The following DRC11 variants were observed in gnomAD, a reference collection of about 807,000 sequenced individuals.
DRC11 encodes the protein IQ and AAA domain-containing protein 1.
At chr2:236,463,444 T>C in the DRC11 span, among the ~76,000 whole-genome samples, 1 of 152,060 alleles carries the variant, frequency 6.6e-6, no homozygotes, top group Non-Finnish European at 1.5e-5. This position sits in a 1 kb window ranked among gnomAD's most constrained non-coding sequence, Gnocchi z 5.0. Context: ...ACCTGATAAA[T>C]AAGACATGGA....
the DRC11 span, among the ~76,000 whole-genome samples, chr2:236,396,711 CTCTA>C: frequency 6.6e-6 from 1 of 152,224 alleles, no homozygotes; most frequent in African/African-American, 2.4e-5. Context: ...ACCTGTCCCA[CTCTA>C]TCTACCTGCT....
chr2:236,338,559 C>A, the DRC11 span, among the ~76,000 whole-genome samples: 1 of 152,150 alleles, frequency 6.6e-6, no homozygotes, highest in African/African-American at 2.4e-5. Context: ...CCCAGTATGA[C>A]CCAGTGGATT....
chr2:236,406,063 A>G, the DRC11 span, among the ~76,000 whole-genome samples: 1 of 152,248 alleles, frequency 6.6e-6, no homozygotes, highest in African/African-American at 2.4e-5. This position sits in a 1 kb window ranked among gnomAD's most constrained non-coding sequence, Gnocchi z 4.7. Context: ...GTTTCCGGCT[A>G]CTGTGTGAAC....
At chr2:236,429,747 G>T in the DRC11 span, among the ~76,000 whole-genome samples, 6 of 152,064 alleles carry the variant, frequency 3.9e-5, no homozygotes, top group East Asian at 1.2e-3. This position sits in a 1 kb window ranked among gnomAD's most constrained non-coding sequence, Gnocchi z 5.9. Context: ...TGCTCACTGT[G>T]GCAGGAGCAG....
At chr2:236,348,991 C>G in the DRC11 span, among the ~76,000 whole-genome samples, 3 of 152,230 alleles carry the variant, frequency 2.0e-5, no homozygotes, top group East Asian at 3.9e-4. This position sits in a 1 kb window ranked among gnomAD's most constrained non-coding sequence, Gnocchi z 7.4. Flanking sequence ...CTCAGAAGGC[C>G]ACCTTCCCTC....
chr2:236,407,418 C>T, the DRC11 span, among the ~76,000 whole-genome samples: 1 of 152,156 alleles, frequency 6.6e-6, no homozygotes, highest in Non-Finnish European at 1.5e-5. Flanking sequence ...CACCATGGGC[C>T]CTCAGCTCTC....
the DRC11 span, among the ~76,000 whole-genome samples, chr2:236,474,359 A>C: frequency 6.6e-6 from 1 of 152,204 alleles, no homozygotes; most frequent in Non-Finnish European, 1.5e-5. Context: ...TAACACTAAA[A>C]TAAAGTTAAA....
At chr2:236,480,148 T>C in the DRC11 span, among the ~76,000 whole-genome samples, 16 of 152,222 alleles carry the variant, frequency 1.1e-4, no homozygotes, top group South Asian at 2.1e-3. Context: ...TTGCTTCTTT[T>C]CTCTTGTTGC....
chr2:236,404,064 T>C, the DRC11 span, among the ~76,000 whole-genome samples: 1 of 150,912 alleles, frequency 6.6e-6, no homozygotes, highest in African/African-American at 2.4e-5. Context: ...TGAGGAAGGC[T>C]AGCCATGACC....
At chr2:236,401,352 A>G in the DRC11 span, among the ~76,000 whole-genome samples, 5 of 152,070 alleles carry the variant, frequency 3.3e-5, no homozygotes, top group African/African-American at 1.2e-4. The surrounding 1 kb of genome is among the most constrained non-coding windows in gnomAD (Gnocchi z 4.6). Context: ...TCCTCCTGAA[A>G]TCCTCTCTGA....
At chr2:236,503,922 C>T in the DRC11 span, among the ~76,000 whole-genome samples, 2 of 152,240 alleles carry the variant, frequency 1.3e-5, no homozygotes, top group Non-Finnish European at 2.9e-5. This position sits in a 1 kb window ranked among gnomAD's most constrained non-coding sequence, Gnocchi z 4.9. Flanking sequence ...ACAAGAGAGG[C>T]GGCAAGATGA....
chr2:236,351,360 A>C, the DRC11 span, among the ~76,000 whole-genome samples: 1 of 152,084 alleles, frequency 6.6e-6, no homozygotes, highest in Non-Finnish European at 1.5e-5. The surrounding 1 kb of genome is among the most constrained non-coding windows in gnomAD (Gnocchi z 7.3). Flanking sequence ...ACAGTGGTTA[A>C]AGCAGACAGG....
At chr2:236,384,385 T>C in the DRC11 span, among the ~76,000 whole-genome samples, 2 of 152,130 alleles carry the variant, frequency 1.3e-5, no homozygotes, top group East Asian at 3.8e-4. Flanking sequence ...TATCTCATTG[T>C]GGTTTTGATT....
chr2:236,325,252 C>A, the DRC11 span, among the ~76,000 whole-genome samples: 10 of 152,274 alleles, frequency 6.6e-5, no homozygotes, highest in Non-Finnish European at 2.9e-5. The surrounding 1 kb of genome is among the most constrained non-coding windows in gnomAD (Gnocchi z 4.4). Context: ...ACTGGCCCCA[C>A]AATGGCATTT....
At chr2:236,424,161 C>A in the DRC11 span, among the ~76,000 whole-genome samples, 2 of 152,000 alleles carry the variant, frequency 1.3e-5, no homozygotes, top group African/African-American at 2.4e-5. Flanking sequence ...TGTAACTAAC[C>A]TGCACGTTGT....
At chr2:236,497,050 A>G in the DRC11 span, 15,413 of 841,846 alleles carry the variant, frequency 0.018, 196 homozygotes, top group Non-Finnish European at 0.023. The surrounding 1 kb of genome is among the most constrained non-coding windows in gnomAD (Gnocchi z 5.1). Flanking sequence ...TTTTCCGTAC[A>G]CCAACTAGTA....
At chr2:236,358,377 ATATT>A in the DRC11 span, among the ~76,000 whole-genome samples, 6 of 95,496 alleles carry the variant, frequency 6.3e-5, no homozygotes, top group Non-Finnish European at 1.0e-4. Context: ...ATATAGATAT[ATATT>A]TATGATATAT....
chr2:236,423,530 T>C, the DRC11 span, among the ~76,000 whole-genome samples: 2 of 152,170 alleles, frequency 1.3e-5, no homozygotes, highest in African/African-American at 2.4e-5. Context: ...AGAATGGCGA[T>C]CACTAAAAAG....
the DRC11 span, chr2:236,380,496 C>T: frequency 2.8e-5 from 33 of 1,170,756 alleles, no homozygotes; most frequent in East Asian, 5.1e-5. The surrounding 1 kb of genome is among the most constrained non-coding windows in gnomAD (Gnocchi z 4.9). Flanking sequence ...ACAGAGGGGG[C>T]GTACTCGGGG....
Sources: allele counts gnomAD v4.1 joint callset (sites outside exome capture counted in the v4.1 genomes callset), GRCh38; gene constraint gnomAD v4.1.1; non-coding constraint Gnocchi (gnomAD v3.1); transcripts MANE v1.5; gene names NCBI Gene and HGNC (gene_info 2026-07-23, HGNC 2026-07-21).